EPS8: variants seen among roughly 807,000 people sequenced by gnomAD.
EPS8 encodes the protein epidermal growth factor receptor kinase substrate 8.
A neutral mutation model predicts 103.8 loss-of-function variants in EPS8; 42 were observed. The ratio of observed to expected loss-of-function variants is 0.40; its 90% CI spans 0.32 to 0.52. The LOEUF is 0.52. Among genes scored for constraint, EPS8 ranks in the 20% least tolerant of loss-of-function variants. EPS8 has a pLI of 0.40. For synonymous variants in EPS8, 344 were observed against 344.6 expected (o/e 1.00, Z 0.02); for missense variants, 969 against 1,005.1 (o/e 0.96, Z 0.49).
rs1947253148 is a variant in EPS8, at chr12:15,780,746, T to A, written c.-22+8415A>T. The A allele has an allele frequency of 6.6e-6, 1 of 152,130 alleles. No homozygotes were observed. Among genetic ancestry groups the A allele is most frequent in the Admixed American group, 6.6e-5 (1 of 15,260 alleles). The allele number at this position is 152,130 out of a possible 1,614,324, so 9.4% of individuals were successfully genotyped here. On this transcript the variant is annotated intron_variant, in intron 1 of 20. Transcript: ENST00000281172. This position sits in a 1 kb window ranked among gnomAD's most constrained non-coding sequence, Gnocchi z 4.1. ...GCCTTCTGACAACAAAAGGCAGAGA[T>A]CCTGTCTTACTCATCTTTGTATTCC...
intron 1 of EPS8, among the ~76,000 whole-genome samples, chr12:15,774,915 C>T (rs1039105791): frequency 1.3e-5 from 2 of 151,648 alleles, no homozygotes; most frequent in African/African-American, 2.4e-5. Context: ...AATTCTTGAC[C>T]CTGCTACCAA....
intron 1 of EPS8, among the ~76,000 whole-genome samples, chr12:15,694,430 C>A (rs570766805): frequency 6.6e-6 from 1 of 152,262 alleles, no homozygotes; most frequent in East Asian, 1.9e-4. Context: ...GAGGCAATAA[C>A]CCCAGTTAAA....
rs750942699 is a variant in EPS8, at chr12:15,668,762, G to A, written c.516+625C>T. On this transcript the variant is annotated intron_variant, in intron 6 of 20. Coordinates refer to ENST00000281172, the MANE Select transcript of EPS8 (RefSeq NM_004447.6). Reference sequence around the variant, plus strand: ...TAATCCATGCTATGTCATTAGTGCAGAATAAATTCAAATTACATGATTATT... The same window carrying A: ...TAATCCATGCTATGTCATTAGTGCAAAATAAATTCAAATTACATGATTATT... 3.4e-4 allele frequency among the ~76,000 whole-genome samples: 52 copies of A among 152,240 alleles called. 1 individual carries two copies. Among genetic ancestry groups the A allele is most frequent in the Non-Finnish European group, 6.6e-4 (45 of 68,012 alleles).
intron 1 of EPS8, among the ~76,000 whole-genome samples, chr12:15,715,700 G>A (rs1946525237): frequency 6.6e-6 from 1 of 151,926 alleles, no homozygotes; most frequent in Admixed American, 6.6e-5. Context: ...TGTTGACCAG[G>A]CTGGTCTCGA....
chr12:15,656,291 T>A (rs919606991), intron 12 of EPS8, among the ~76,000 whole-genome samples: 30 of 152,188 alleles, frequency 2.0e-4, no homozygotes, highest in African/African-American at 6.8e-4. Flanking sequence ...TCTTTGCATA[T>A]GTATGTCCTT....
chr12:15,675,612 A>G (rs1430881177), intron 3 of EPS8, among the ~76,000 whole-genome samples: 1 of 152,174 alleles, frequency 6.6e-6, no homozygotes, highest in Non-Finnish European at 1.5e-5. Context: ...AAATAAAAAT[A>G]AAATGAGACT....
At chr12:15,705,724 G>C (rs1175851882) in intron 1 of EPS8, among the ~76,000 whole-genome samples, 1 of 152,134 alleles carries the variant, frequency 6.6e-6, no homozygotes, top group East Asian at 1.9e-4. Context: ...GTTGTTGACT[G>C]CAATAGTTAG....
chr12:15,734,567 G>A lies in EPS8; in HGVS notation c.-21-51595C>T, dbSNP rs1946749537. On this transcript the variant is annotated intron_variant, in intron 1 of 20. Coordinates refer to ENST00000281172, the MANE Select transcript of EPS8 (RefSeq NM_004447.6). The surrounding 1 kb of genome is among the most constrained non-coding windows in gnomAD (Gnocchi z 4.1). ...GAATTAGCCGGGCATGGTGGTGGGC[G>A]CCTGTGGTCCCAGCTACTCGGGAGG... Among the ~76,000 whole-genome samples, 3 of 152,074 alleles carry A rather than the reference G, an allele frequency of 2.0e-5. No individual in the cohort carries two copies. The highest frequency in any genetic ancestry group is 2.1e-4 in the South Asian group (1 of 4,814).
At chr12:15,691,836 T>A (rs1946176116) in intron 1 of EPS8, among the ~76,000 whole-genome samples, 1 of 152,170 alleles carries the variant, frequency 6.6e-6, no homozygotes, top group African/African-American at 2.4e-5. Flanking sequence ...TTCTGTTTGT[T>A]AATAATTATC....
rs1356752815 is a variant in EPS8, at chr12:15,650,753, A to G, written c.1434+70T>C. 7.9e-6 allele frequency: 10 copies of G among 1,266,008 alleles called. No homozygotes were observed. The South Asian group carries it at 1.1e-4, about 14-fold the overall frequency. 78.4% of individuals were successfully genotyped at this position (1,266,008 alleles called of 1,614,324 possible). ...TCAGTTGAATAAAATGAGAACTTGC[A>G]ATCAGAATTACAAGAGAATACACAG... On this transcript the variant is annotated intron_variant, in intron 14 of 20. Transcript: ENST00000281172.
rs1198014830 is a variant in EPS8, at chr12:15,779,098, C to A, written c.-22+10063G>T. On this transcript the variant is annotated intron_variant, in intron 1 of 20. Transcript: ENST00000281172. The surrounding 1 kb of genome is among the most constrained non-coding windows in gnomAD (Gnocchi z 4.3). ...GGTTCAAGCAATTCTCCTGCCTCAG[C>A]CTCCCGAGTAGCTGGGATTACAGGT... 2.0e-5 allele frequency among the ~76,000 whole-genome samples: 3 copies of A among 152,156 alleles called. No individual in the cohort carries two copies. In the East Asian group the frequency reaches 5.8e-4, roughly 29 times the overall value.
rs1450130418 is a variant in EPS8, at chr12:15,660,842, A to G, written c.811-102T>C. The G allele has an allele frequency of 2.3e-5, 15 of 638,604 alleles. No individual in the cohort carries two copies. The Admixed American group carries it at 4.4e-4, about 19-fold the overall frequency. 39.6% of individuals were successfully genotyped at this position (638,604 alleles called of 1,614,324 possible). A position where few individuals can be genotyped will look rare whatever the true frequency, so the allele number is the denominator to read the frequency against. Reference sequence around the variant, plus strand: ...GAAAGGTTTTTTTAGAAAAGGAAGCAGCCCACATGCCAATTTCAAGTTTAT... The same window carrying G: ...GAAAGGTTTTTTTAGAAAAGGAAGCGGCCCACATGCCAATTTCAAGTTTAT... On this transcript the variant is annotated intron_variant, in intron 9 of 20. Coordinates refer to ENST00000281172, the MANE Select transcript of EPS8 (RefSeq NM_004447.6).
chr12:15,765,983 T>C (rs1458743344), intron 1 of EPS8, among the ~76,000 whole-genome samples: 2 of 151,294 alleles, frequency 1.3e-5, no homozygotes, highest in Non-Finnish European at 2.9e-5. Context: ...CCAGCTAATG[T>C]TTTTGTATTT....
chr12:15,654,051 T>C, intron 13 of EPS8, 94 bp downstream of exon 13: 3 of 1,217,882 alleles, frequency 2.5e-6, no homozygotes, highest in Non-Finnish European at 3.5e-6. Context: ...TGACGCTTAG[T>C]CCTTCGTATG....
chr12:15,626,339 T>C (rs1944944494), intron 18 of EPS8, among the ~76,000 whole-genome samples: 1 of 152,094 alleles, frequency 6.6e-6, no homozygotes, highest in Non-Finnish European at 1.5e-5. Context: ...AGTGATTCTT[T>C]TAAAATGTAA....
intron 1 of EPS8, among the ~76,000 whole-genome samples, chr12:15,766,980 T>C (rs1048757917): frequency 6.6e-6 from 1 of 152,256 alleles, no homozygotes; most frequent in Middle Eastern, 3.4e-3. Flanking sequence ...TTTCACAAAT[T>C]CCACAAGCCA....
At chr12:15,667,614 T>G (rs575230158) in intron 6 of EPS8, among the ~76,000 whole-genome samples, 1 of 152,230 alleles carries the variant, frequency 6.6e-6, no homozygotes, top group African/African-American at 2.4e-5. Flanking sequence ...GGCTATTATA[T>G]TTCTAAGAAA....
chr12:15,643,385 G>A (rs1945264491), intron 15 of EPS8, among the ~76,000 whole-genome samples: 1 of 152,064 alleles, frequency 6.6e-6, no homozygotes, highest in African/African-American at 2.4e-5. Context: ...TGTTAAGCAT[G>A]GATATGACAC....
In EPS8 at chr12:15,780,119, TAGAAG is replaced by T. The variant is rs1171468511; in HGVS notation, c.-22+9037_-22+9041del. 1 of 152,232 alleles carries T rather than the reference TAGAAG, an allele frequency of 6.6e-6. No individual in the cohort carries two copies. The highest frequency in any genetic ancestry group is 2.4e-5 in the African/African-American group (1 of 41,460). 9.4% of individuals were successfully genotyped at this position (152,232 alleles called of 1,614,324 possible). On this transcript the variant is annotated intron_variant, in intron 1 of 20. Transcript: ENST00000281172. The surrounding 1 kb of genome is among the most constrained non-coding windows in gnomAD (Gnocchi z 4.1). ...AGCTACATTTAGAAGGCCATGTGAC[TAGAAG>T]AGAAGATTTATGCAATTCTTAAACA...
Sources: gnomAD v4.1 joint callset for allele counts (sites outside exome capture counted in the v4.1 genomes callset) on GRCh38, gnomAD v4.1.1 for gene constraint, Gnocchi (gnomAD v3.1) non-coding constraint, MANE v1.5 for transcripts, NCBI Gene and HGNC (gene_info 2026-07-23, HGNC 2026-07-21) for gene names.